Variants in CUL3 observed in about 807,000 individuals in gnomAD.
The protein encoded by CUL3 is cullin-3.
Under a neutral mutation model 89.1 loss-of-function variants are expected in CUL3, and 19 were observed. The ratio of observed to expected loss-of-function variants is 0.21; its 90% CI spans 0.15 to 0.31. CUL3 has a LOEUF of 0.31. Among genes scored for constraint, CUL3 ranks in the 10% least tolerant of loss-of-function variants. The pLI is 1.00. For missense variants in CUL3, 469 were observed against 942.3 expected (o/e 0.50, Z 6.58); for synonymous variants, 351 against 308.4 (o/e 1.14, Z -1.45).
intron 5 of CUL3, among the ~76,000 whole-genome samples, chr2:224,511,965 T>C (rs1282071770): frequency 6.6e-6 from 1 of 152,258 alleles, no homozygotes; most frequent in Non-Finnish European, 1.5e-5. Flanking sequence ...AGATTCATCA[T>C]GTTTATCATA....
At chr2:224,506,771 C>T (rs1019523659) in intron 7 of CUL3, 87 bp downstream of exon 7, 4 of 1,127,744 alleles carry the variant, frequency 3.5e-6, no homozygotes, top group African/African-American at 1.6e-5. Context: ...TGAAAGTACA[C>T]AATACACAGC....
chr2:224,497,699 G>C lies in CUL3; in HGVS notation c.1707+54C>G. The C allele has an allele frequency of 3.8e-6, 5 of 1,315,242 alleles. No individual in the cohort carries two copies. In the Admixed American group the frequency reaches 8.5e-5, roughly 22 times the overall value. 81.5% of individuals were successfully genotyped at this position (1,315,242 alleles called of 1,614,324 possible). On this transcript the variant is annotated intron_variant, in intron 12 of 15. Transcript: ENST00000264414. ...CCAGGTCAACATAAATCACACATCAGCTCTAATAGACTAACTTTAAGTTAC... is the reference window on the plus strand; with the variant it reads ...CCAGGTCAACATAAATCACACATCACCTCTAATAGACTAACTTTAAGTTAC...
In CUL3 at chr2:224,585,321, G is replaced by A. The variant is rs1026309190; in HGVS notation, c.-312C>T. 8 of 402,268 alleles carry A rather than the reference G, an allele frequency of 2.0e-5. 1 individual carries two copies. Among genetic ancestry groups the A allele is most frequent in the Admixed American group, 1.8e-4 (4 of 22,736 alleles). The allele number at this position is 402,268 out of a possible 1,614,324, so 24.9% of individuals were successfully genotyped here. A position where few individuals can be genotyped will look rare whatever the true frequency, so the allele number is the denominator to read the frequency against. ...CTCCTCCGCGATGGCGGCGGCGGCG[G>A]CGACGGACAAACATCTCACTGCGCA... On this transcript the variant is annotated 5_prime_UTR_variant, in exon 1 of 16. Transcript: ENST00000264414.
intron 15 of CUL3, among the ~76,000 whole-genome samples, chr2:224,475,517 T>C (rs564563132): frequency 4.6e-4 from 70 of 152,316 alleles, no homozygotes; most frequent in Middle Eastern, 3.4e-3. Context: ...TGTTGATCAG[T>C]TCATTTCCCA....
At chr2:224,551,605 A>G (rs1309388356) in intron 2 of CUL3, among the ~76,000 whole-genome samples, 1 of 151,738 alleles carries the variant, frequency 6.6e-6, no homozygotes, top group Non-Finnish European at 1.5e-5. Context: ...CAGTCTCCCA[A>G]AGTGCTAGGA....
At chr2:224,570,414 C>T (rs962164461) in intron 1 of CUL3, among the ~76,000 whole-genome samples, 5 of 152,144 alleles carry the variant, frequency 3.3e-5, no homozygotes, top group African/African-American at 9.7e-5. Context: ...AAACGTGAGA[C>T]GGTGGACTGT....
chr2:224,506,164 T>G, intron 7 of CUL3, 32 bp from the exon 8 acceptor site: 1 of 1,443,310 alleles, frequency 6.9e-7, no homozygotes, highest in Non-Finnish European at 9.3e-7. Flanking sequence ...TAGGACACAT[T>G]ATAATAATTT....
intron 12 of CUL3, among the ~76,000 whole-genome samples, chr2:224,496,643 GTTTC>G (rs1264692302): frequency 6.6e-6 from 1 of 151,220 alleles, no homozygotes; most frequent in Non-Finnish European, 1.5e-5. Context: ...ACAGGATTAG[GTTTC>G]TTTCTGTGTG....
chr2:224,584,214 A>G (rs1695512152), intron 1 of CUL3, among the ~76,000 whole-genome samples: 1 of 152,086 alleles, frequency 6.6e-6, no homozygotes, highest in Non-Finnish European at 1.5e-5. Flanking sequence ...AGGCGACTAC[A>G]CTCATTCTTT....
At chr2:224,540,475 A>G (rs1694062610) in intron 2 of CUL3, among the ~76,000 whole-genome samples, 1 of 152,072 alleles carries the variant, frequency 6.6e-6, no homozygotes, top group Admixed American at 6.5e-5. Context: ...AGAAGAAGAA[A>G]TATTTGGGGA....
At chr2:224,500,956 C>T (rs1244984751) in intron 10 of CUL3, among the ~76,000 whole-genome samples, 1 of 152,078 alleles carries the variant, frequency 6.6e-6, no homozygotes, top group African/African-American at 2.4e-5. Flanking sequence ...TTAGACCCAC[C>T]CAGTGTTTCC....
chr2:224,553,648 T>A (rs1694599280), intron 2 of CUL3, among the ~76,000 whole-genome samples: 1 of 152,170 alleles, frequency 6.6e-6, no homozygotes. Flanking sequence ...ATCTTGAGAA[T>A]GGTACCCTCA....
At chr2:224,519,279 G>A (rs1693176595) in intron 3 of CUL3, among the ~76,000 whole-genome samples, 1 of 152,142 alleles carries the variant, frequency 6.6e-6, no homozygotes, top group African/African-American at 2.4e-5. Context: ...TTTAGCACAT[G>A]GGTTCCATCC....
In CUL3 at chr2:224,491,476, A is replaced by G. The variant is rs1174046578; in HGVS notation, c.1842+4356T>C. 3.9e-5 allele frequency among the ~76,000 whole-genome samples: 6 copies of G among 152,288 alleles called. No individual in the cohort carries two copies. The South Asian group carries it at 6.2e-4, about 16-fold the overall frequency. On this transcript the variant is annotated intron_variant, in intron 13 of 15. Transcript: ENST00000264414. ...AAGAAATGTTTTCTCACTGATTATC[A>G]TGTATTGCCAAATTGACAATCATAT...
intron 7 of CUL3, 105 bp from the exon 8 acceptor site, chr2:224,506,237 T>C (rs1179273903): frequency 2.8e-6 from 2 of 702,384 alleles, no homozygotes; most frequent in Non-Finnish European, 4.4e-6. Context: ...AATAAACATG[T>C]ATATTCATTT....
chr2:224,497,201 GAT>G lies in CUL3; in HGVS notation c.1707+550_1707+551del, dbSNP rs1269932848. Among the ~76,000 whole-genome samples the G allele has an allele frequency of 3.9e-5, 6 of 152,104 alleles. No homozygotes were observed. The East Asian group carries it at 9.6e-4, about 24-fold the overall frequency. On this transcript the variant is annotated intron_variant, in intron 12 of 15. Transcript: ENST00000264414. ...ATATTTTCTGAAGGCAAAAAATCCT[GAT>G]TCATATCAAGTAATGAAAATAAATT...
At chr2:224,517,321 G>A (rs1171429656) in intron 3 of CUL3, among the ~76,000 whole-genome samples, 1 of 152,070 alleles carries the variant, frequency 6.6e-6, no homozygotes, top group Non-Finnish European at 1.5e-5. Flanking sequence ...AAATATAAAC[G>A]TTCATTCAGA....
rs1691091985 is a variant in CUL3, at chr2:224,470,539, C to T, written c.*3706G>A. On this transcript the variant is annotated 3_prime_UTR_variant, in exon 16 of 16. Transcript: ENST00000264414. The stretch of plus-strand genomic sequence containing the variant: ...CTCTTCTTCCTTCTGGCTAATTTGA[C>T]ATAGGAAAGGCACACAAAGGAAAAC... The T allele has an allele frequency of 4.3e-6, 1 of 231,552 alleles. No homozygotes were observed. The highest frequency in any genetic ancestry group is 1.8e-4 in the South Asian group (1 of 5,518). The allele number at this position is 231,552 out of a possible 1,614,324, so 14.3% of individuals were successfully genotyped here. A position where few individuals can be genotyped will look rare whatever the true frequency, so the allele number is the denominator to read the frequency against.
At chr2:224,478,998 T>C (rs563611096) in intron 14 of CUL3, 5 of 152,202 alleles carry the variant, frequency 3.3e-5, no homozygotes, top group African/African-American at 9.7e-5. Flanking sequence ...TCTTTAGGAG[T>C]CTTACTCTAT....
Sources: allele counts gnomAD v4.1 joint callset (sites outside exome capture counted in the v4.1 genomes callset), GRCh38; gene constraint gnomAD v4.1.1; transcripts MANE v1.5; gene names NCBI Gene and HGNC (gene_info 2026-07-23, HGNC 2026-07-21).